Variants in CFAP61 observed in about 807,000 individuals in gnomAD.
CFAP61 encodes cilia and flagella associated protein 61, also known as cilia- and flagella-associated protein 61.
CFAP61 carries 107 observed loss-of-function variants against 135.6 expected under a neutral mutation model. The ratio of observed to expected loss-of-function variants is 0.79; its 90% CI spans 0.67 to 0.93. The LOEUF (loss-of-function observed/expected upper bound fraction) is 0.93, where lower values mean the gene tolerates loss of function less well. Among genes scored for constraint, CFAP61 ranks in the 40% least tolerant of loss-of-function variants. The pLI is 0.00. For missense variants in CFAP61, 1,507 were observed against 1,556.2 expected, an observed-to-expected ratio of 0.97 and a Z score of 0.53; for synonymous variants, 575 against 578.5, an observed-to-expected ratio of 0.99 and a Z score of 0.09.
chr20:20,176,433 C>G (rs1226340841), intron 13 of CFAP61, among the ~76,000 whole-genome samples: 1 of 97,198 alleles, frequency 1.0e-5, no homozygotes, highest in East Asian at 3.0e-4. Flanking sequence ...CTTGCAAAGA[C>G]ATGGAATTAA....
At position 20,247,920 on chromosome 20, in the gene CFAP61, T is replaced by C. The variant is rs1246381560; in HGVS notation, c.2159+1705T>C. ...CACTCCAGTCCCTCATACTCTGCTC[T>C]GTTTTTTTCTTGCTACTTAAATCCT... On this transcript the variant is annotated intron_variant, in intron 19 of 26. Transcript: ENST00000245957. Among the ~76,000 whole-genome samples, 3 of 152,234 alleles carry C rather than the reference T, an allele frequency of 2.0e-5. No individual in the cohort carries two copies. In the East Asian group the frequency reaches 5.8e-4, roughly 29 times the overall value.
chr20:20,179,134 G>T (rs941896760), intron 13 of CFAP61, among the ~76,000 whole-genome samples: 3 of 152,128 alleles, frequency 2.0e-5, no homozygotes, highest in African/African-American at 7.2e-5. Flanking sequence ...AAATCTCATA[G>T]TCTCTGCCCC....
chr20:20,310,711 G>T (rs540030086), intron 25 of CFAP61, among the ~76,000 whole-genome samples: 1 of 152,300 alleles, frequency 6.6e-6, no homozygotes, highest in South Asian at 2.1e-4. Flanking sequence ...CTGAGAAACT[G>T]CCACAAAAGT....
chr20:20,212,677 C>G (rs993007679), intron 17 of CFAP61, among the ~76,000 whole-genome samples: 7 of 152,218 alleles, frequency 4.6e-5, no homozygotes, highest in African/African-American at 1.4e-4. Flanking sequence ...CCACCCCCAC[C>G]TGCCACTGAG....
intron 25 of CFAP61, among the ~76,000 whole-genome samples, chr20:20,334,823 A>T (rs1378346349): frequency 1.3e-5 from 2 of 152,198 alleles, no homozygotes; most frequent in Admixed American, 6.5e-5. Context: ...ACTCAGGCTG[A>T]ACTCAAGGAA....
chr20:20,259,398 G>C (rs1223340088), intron 20 of CFAP61, among the ~76,000 whole-genome samples: 1 of 150,828 alleles, frequency 6.6e-6, no homozygotes, highest in East Asian at 1.9e-4. Context: ...GGACTATACA[G>C]GTACATGCCG....
chr20:20,074,192 T>G lies in CFAP61; in HGVS notation c.295-110T>G, dbSNP rs2045906457. The stretch of plus-strand genomic sequence containing the variant: ...TTAGACATAAAATATCAACCCTAAA[T>G]GCCAGGCTGTTCTGTGTCTGTGGAT... On this transcript the variant is annotated intron_variant, in intron 3 of 26. Transcript: ENST00000245957. 5 of 838,862 alleles carry G rather than the reference T, an allele frequency of 6.0e-6. No individual in the cohort carries two copies. The Admixed American group carries it at 9.0e-5, about 15-fold the overall frequency. 52.0% of individuals were successfully genotyped at this position (838,862 alleles called of 1,614,324 possible).
Position 20,290,323 on chromosome 20 carries a change from C to A in CFAP61, c.3148C>A (p.His1050Asn), listed in dbSNP as rs2054906903. ...IQGGILPGSY[H>N]YLHIAKPAIP... ...AGGGGGCATTCTTCCTGGGTCTTACCATTATCTGCATATTGCCAAGCCTGC... is the reference window on the plus strand; with the variant it reads ...AGGGGGCATTCTTCCTGGGTCTTACAATTATCTGCATATTGCCAAGCCTGC... Residue 1050 changes from histidine (H) to asparagine (N), a missense_variant, in exon 24 of 27, where the codon CAT (histidine) becomes AAT (asparagine). Transcript: ENST00000245957. 6.2e-7 allele frequency: 1 copy of A among 1,613,160 alleles called. No individual in the cohort carries two copies. The highest frequency in any genetic ancestry group is 1.3e-5 in the African/African-American group (1 of 74,902).
intron 8 of CFAP61, among the ~76,000 whole-genome samples, chr20:20,115,707 A>G (rs539100789): frequency 6.6e-6 from 1 of 152,298 alleles, no homozygotes; most frequent in African/African-American, 2.4e-5. Context: ...TTCTATGCTT[A>G]GCTTATTTCA....
chr20:20,089,386 T>TTATATATA (rs11473166), intron 6 of CFAP61, among the ~76,000 whole-genome samples: 15 of 148,174 alleles, frequency 1.0e-4, no homozygotes, highest in South Asian at 4.3e-4. Context: ...GCCCTGAGCT[T>TTATATATA]TATATATATA....
intron 26 of CFAP61, among the ~76,000 whole-genome samples, chr20:20,347,856 C>T (rs1246747197): frequency 6.7e-6 from 1 of 148,726 alleles, no homozygotes; most frequent in Non-Finnish European, 1.5e-5. Flanking sequence ...TTGCTTGAAC[C>T]TGGGAGGCAG....
At chr20:20,323,078 G>C (rs1012609544) in intron 25 of CFAP61, 1 of 985,292 alleles carries the variant, frequency 1.0e-6, no homozygotes, top group African/African-American at 1.7e-5. Flanking sequence ...CTGCTGCCCT[G>C]GGGCCTAGCC....
chr20:20,284,007 G>A (rs945138189), intron 22 of CFAP61, among the ~76,000 whole-genome samples: 14 of 152,190 alleles, frequency 9.2e-5, no homozygotes, highest in African/African-American at 3.1e-4. Flanking sequence ...TAAGGAAGAG[G>A]TGGAATCTTG....
At chr20:20,304,168 C>G (rs1426957374) in intron 25 of CFAP61, among the ~76,000 whole-genome samples, 5 of 152,132 alleles carry the variant, frequency 3.3e-5, no homozygotes, top group African/African-American at 1.2e-4. Context: ...GCGGCCCAGG[C>G]TGGCTTGGAT....
chr20:20,063,635 A>G (rs372154717), intron 2 of CFAP61, among the ~76,000 whole-genome samples: 4 of 152,214 alleles, frequency 2.6e-5, no homozygotes, highest in Non-Finnish European at 5.9e-5. Context: ...TGTAATGATA[A>G]AATATTAAAA....
intron 7 of CFAP61, 57 bp from the exon 8 acceptor site, chr20:20,098,598 A>G (rs1329015619): frequency 1.6e-5 from 20 of 1,267,192 alleles, no homozygotes; most frequent in Middle Eastern, 5.0e-4. Flanking sequence ...ACAGAGCGAG[A>G]CTTTGTCTCA....
intron 22 of CFAP61, among the ~76,000 whole-genome samples, chr20:20,287,653 G>A (rs1223305533): frequency 1.3e-5 from 2 of 152,194 alleles, no homozygotes; most frequent in African/African-American, 4.8e-5. Context: ...GGGTAAAGCA[G>A]GAATGTGATG....
chr20:20,052,736 A>G (rs3817995), intron 1 of CFAP61, 145 bp downstream of exon 1: 768,395 of 1,585,332 alleles, frequency 0.48, 188,193 homozygotes, highest in East Asian at 0.67. Context: ...CAAGGGAGTA[A>G]GAACGGAGCT....
chr20:20,151,996 C>T (rs538120797), intron 9 of CFAP61, among the ~76,000 whole-genome samples: 58 of 152,076 alleles, frequency 3.8e-4, no homozygotes, highest in Non-Finnish European at 7.6e-4. Flanking sequence ...TAAAGGAAAA[C>T]GTATCAGATT....
Sources: allele counts gnomAD v4.1 joint callset (sites outside exome capture counted in the v4.1 genomes callset), GRCh38; gene constraint gnomAD v4.1.1; transcripts MANE v1.5; gene names NCBI Gene and HGNC (gene_info 2026-07-23, HGNC 2026-07-21).